The following TM4SF20 variants were observed in gnomAD, a reference collection of about 807,000 sequenced individuals.
TM4SF20 encodes transmembrane 4 L six family member 20.
TM4SF20 carries 13 observed loss-of-function variants against 15.1 expected under a neutral mutation model. The ratio of observed to expected loss-of-function variants is 0.86; its 90% confidence interval spans 0.56 to 1.36. TM4SF20 has a LOEUF of 1.36. Ranked by LOEUF, TM4SF20 falls within the 40% of genes most tolerant of loss-of-function variation. TM4SF20 has a pLI of 0.00. For missense variants in TM4SF20, 282 were observed against 268.4 expected (o/e 1.05, Z -0.35); for synonymous variants, 92 against 96.6 (o/e 0.95, Z 0.28).
At chr2:227,364,169 C>T (rs959382820) in intron 3 of TM4SF20, among the ~76,000 whole-genome samples, 157 bp from the exon 4 acceptor site, 9 of 152,186 alleles carry the variant, frequency 5.9e-5, no homozygotes, top group Non-Finnish European at 1.3e-4. Flanking sequence ...TGTCCATATA[C>T]TCTACTAGTT....
At chr2:227,375,654 T>TG (rs1310944806) in intron 1 of TM4SF20, among the ~76,000 whole-genome samples, 1 of 107,880 alleles carries the variant, frequency 9.3e-6, no homozygotes, top group Non-Finnish European at 2.1e-5. Flanking sequence ...CAAGCCTGGC[T>TG]AATTTTTTAT....
rs1444598538 is a variant in TM4SF20, at chr2:227,370,911, T to A, written c.249+4A>T. The stretch of plus-strand genomic sequence containing the variant: ...TGCTTCCACGCCGACTGCTTCATAC[T>A]TACTCCAGTTCTGTTGTTGCAGCAC... On this transcript the variant is annotated splice_donor_region_variant and intron_variant, in intron 2 of 3. Transcript: ENST00000304568. The A allele has an allele frequency of 6.2e-7, 1 of 1,613,618 alleles. No homozygotes were observed. The highest frequency in any genetic ancestry group is 1.7e-5 in the Admixed American group (1 of 60,016).
At chr2:227,366,281 A>G (rs370909416) in intron 2 of TM4SF20, 37 bp from the exon 3 acceptor site, 52 of 1,591,702 alleles carry the variant, frequency 3.3e-5, no homozygotes, top group Non-Finnish European at 4.3e-5. Context: ...ACATGTTATG[A>G]CATGTTCTTG....
At position 227,366,074 on chromosome 2, in the gene TM4SF20, T is replaced by G; in HGVS notation, c.401+19A>C. ...TCAACTGTGTGAGACAGTAAGCCTG[T>G]GAAAATCAAGTTACTTACCTGATGT... On this transcript the variant is annotated intron_variant, in intron 3 of 3. Transcript: ENST00000304568. 1.2e-6 allele frequency: 2 copies of G among 1,607,782 alleles called. No individual in the cohort carries two copies. The highest frequency in any genetic ancestry group is 8.5e-7 in the Non-Finnish European group (1 of 1,177,154).
intron 2 of TM4SF20, among the ~76,000 whole-genome samples, chr2:227,370,349 T>C (rs778884896): frequency 1.3e-5 from 2 of 151,944 alleles, no homozygotes; most frequent in Non-Finnish European, 2.9e-5. Context: ...AACCTTTAGA[T>C]TGAGGAAAGG....
intron 1 of TM4SF20, among the ~76,000 whole-genome samples, chr2:227,377,019 T>C (rs2076454440): frequency 1.3e-5 from 2 of 152,250 alleles, no homozygotes; most frequent in Admixed American, 1.3e-4. Context: ...TCTGCCTTTC[T>C]CTTTCTCTTC....
chr2:227,381,502 AT>A (rs1384937121), upstream of TM4SF20: 1 of 152,022 alleles, frequency 6.6e-6, no homozygotes, highest in Admixed American at 6.6e-5. Flanking sequence ...AGTCATATAA[AT>A]TATCTCATTC....
intron 1 of TM4SF20, among the ~76,000 whole-genome samples, chr2:227,372,583 G>A (rs907030951): frequency 3.9e-5 from 6 of 152,198 alleles, no homozygotes; most frequent in Admixed American, 6.5e-5. Context: ...AGAGGTTGCA[G>A]TTAGCTGAGA....
In TM4SF20 at chr2:227,363,567, T is replaced by C. The variant is rs2076373888; in HGVS notation, c.*157A>G. The stretch of plus-strand genomic sequence containing the variant: ...ACTAATTGAAAATTCTCTCCACCTT[T>C]CCCAAATCAACCACTGATATGAGAG... On this transcript the variant is annotated 3_prime_UTR_variant, in exon 4 of 4. Transcript: ENST00000304568. 4.1e-6 allele frequency: 3 copies of C among 740,246 alleles called. No individual in the cohort carries two copies. Among genetic ancestry groups the C allele is most frequent in the East Asian group, 5.4e-5 (2 of 36,936 alleles). The allele number at this position is 740,246 out of a possible 1,614,324, so 45.9% of individuals were successfully genotyped here.
At chr2:227,369,104 G>T (rs1348033744) in intron 2 of TM4SF20, among the ~76,000 whole-genome samples, 1 of 152,154 alleles carries the variant, frequency 6.6e-6, no homozygotes, top group Non-Finnish European at 1.5e-5. Flanking sequence ...CGTTTACAAA[G>T]AAAAGTGACA....
At chr2:227,365,547 A>T (rs2076388755) in intron 3 of TM4SF20, among the ~76,000 whole-genome samples, 1 of 152,228 alleles carries the variant, frequency 6.6e-6, no homozygotes, top group African/African-American at 2.4e-5. Flanking sequence ...CAGTATATTT[A>T]TAGCATATCT....
intron 2 of TM4SF20, among the ~76,000 whole-genome samples, chr2:227,367,192 A>T (rs2076397533): frequency 6.6e-6 from 1 of 152,134 alleles, no homozygotes; most frequent in African/African-American, 2.4e-5. Flanking sequence ...GACAACCAAA[A>T]ATGTCTCCAG....
intron 2 of TM4SF20, among the ~76,000 whole-genome samples, chr2:227,368,318 T>C (rs988843124): frequency 4.1e-4 from 51 of 125,034 alleles, no homozygotes; most frequent in African/African-American, 1.4e-3. Context: ...CCACCACGCC[T>C]GGCCGCCATC....
At chr2:227,374,301 C>A (rs1047768822) in intron 1 of TM4SF20, among the ~76,000 whole-genome samples, 1 of 152,178 alleles carries the variant, frequency 6.6e-6, no homozygotes, top group African/African-American at 2.4e-5. Flanking sequence ...ACCCCACCGA[C>A]TTCAAGGCGT....
chr2:227,375,716 C>T (rs2076446101), intron 1 of TM4SF20, among the ~76,000 whole-genome samples: 1 of 152,106 alleles, frequency 6.6e-6, no homozygotes. Context: ...GTCTTGATCT[C>T]CTGACCTCGT....
At chr2:227,379,406 T>C, upstream of TM4SF20, 1 of 638,660 alleles carries the variant, frequency 1.6e-6, no homozygotes, top group South Asian at 2.6e-5. Context: ...TCCAATAGGG[T>C]AGGACATTAT....
Position 227,374,069 on chromosome 2 carries a change from G to A in TM4SF20, c.184-3089C>T, listed in dbSNP as rs144897332. 8.7e-4 allele frequency among the ~76,000 whole-genome samples: 99 copies of A among 113,622 alleles called. 1 individual carries two copies. Among genetic ancestry groups the A allele is most frequent in the Middle Eastern group, 7.2e-3 (1 of 138 alleles). The allele number at this position is 113,622 out of a possible 152,430, so 74.5% of individuals were successfully genotyped here. A position where few individuals can be genotyped will look rare whatever the true frequency, so the allele number is the denominator to read the frequency against. ...AGTGCAAGTGTACTCCAGCCTAGAT[G>A]ACAAAGTGAGACCCTGTCTAAAAAA... is the stretch of plus-strand genomic sequence containing the variant. On this transcript the variant is annotated intron_variant, in intron 1 of 3. Coordinates refer to ENST00000304568, the MANE Select transcript of TM4SF20 (RefSeq NM_024795.4).
chr2:227,379,582 C>A (rs891488056), upstream of TM4SF20, among the ~76,000 whole-genome samples: 1 of 152,092 alleles, frequency 6.6e-6, no homozygotes, highest in Non-Finnish European at 1.5e-5. Context: ...AAAGTAAAAA[C>A]AAAAATATCC....
At chr2:227,364,504 T>C (rs755359599) in intron 3 of TM4SF20, among the ~76,000 whole-genome samples, 12 of 152,106 alleles carry the variant, frequency 7.9e-5, no homozygotes, top group Non-Finnish European at 1.8e-4. Flanking sequence ...GTGATGTGCC[T>C]GTTCTTAACG....
Sources: gnomAD v4.1 joint callset for allele counts (sites outside exome capture counted in the v4.1 genomes callset) on GRCh38, gnomAD v4.1.1 for gene constraint, MANE v1.5 for transcripts, NCBI Gene and HGNC (gene_info 2026-07-23, HGNC 2026-07-21) for gene names.